TACC2: variants seen among roughly 807,000 people sequenced by gnomAD.
TACC2 encodes the protein transforming acidic coiled-coil-containing protein 2.
In TACC2, 137 loss-of-function variants were observed where a neutral mutation model predicts 227.3. That is an observed-to-expected ratio of 0.60 (90% CI 0.52 to 0.69). The LOEUF (loss-of-function observed/expected upper bound fraction) is 0.69. Ranked by LOEUF, TACC2 falls within the 30% of genes least tolerant of loss-of-function variation. The pLI, the probability that TACC2 is intolerant of heterozygous loss-of-function variation, is 0.00. For missense variants in TACC2, 3,470 were observed against 3,694.4 expected (o/e 0.94, Z 1.57); for synonymous variants, 1,523 against 1,487.5 (o/e 1.02, Z -0.55).
At chr10:122,016,861 A>AG (rs1202888560) in intron 1 of TACC2, among the ~76,000 whole-genome samples, 1 of 152,158 alleles carries the variant, frequency 6.6e-6, no homozygotes, top group Non-Finnish European at 1.5e-5. Flanking sequence ...ACCTTTCAAG[A>AG]GGTAATTAAG....
rs200332809 is a variant in TACC2, at chr10:122,071,956, CAT to C, written c.147-10690_147-10689del. Among the ~76,000 whole-genome samples the C allele has an allele frequency of 6.5e-3, 948 of 145,810 alleles. 15 individuals carry two copies. Among genetic ancestry groups the C allele is most frequent in the African/African-American group, 0.023 (893 of 39,586 alleles). ...GGGGTTTAATCCACATCCGCATACA[CAT>C]GTTGATCTCCCCAATAACTCTTTTT... On this transcript the variant is annotated intron_variant, in intron 3 of 22. Coordinates refer to ENST00000369005, the MANE Select transcript of TACC2 (RefSeq NM_206862.4).
At chr10:122,213,701 A>AT (rs2095343926) in intron 9 of TACC2, among the ~76,000 whole-genome samples, 3 of 151,974 alleles carry the variant, frequency 2.0e-5, no homozygotes, top group African/African-American at 7.3e-5. Flanking sequence ...TCTTCATTAC[A>AT]TTTTTTCATT....
At chr10:122,184,093 G>A (rs541591907) in intron 7 of TACC2, among the ~76,000 whole-genome samples, 15 of 152,262 alleles carry the variant, frequency 9.9e-5, no homozygotes, top group African/African-American at 3.4e-4. Context: ...TGAGGTGAGC[G>A]GCCGTGGGGT....
chr10:122,062,106 C>G (rs992546750), intron 3 of TACC2, among the ~76,000 whole-genome samples: 1 of 143,820 alleles, frequency 7.0e-6, no homozygotes, highest in East Asian at 2.2e-4. Context: ...CATCTCCGCT[C>G]ACTGCAAGCT....
At chr10:122,092,512 T>A (rs1360086316) in intron 5 of TACC2, among the ~76,000 whole-genome samples, 2 of 152,252 alleles carry the variant, frequency 1.3e-5, no homozygotes, top group Non-Finnish European at 2.9e-5. Flanking sequence ...CATATAAGAT[T>A]CAATATCTAA....
rs1565264873 is a variant in TACC2 at position 122,086,731 on chromosome 10, C to T, written c.4231C>T (p.His1411Tyr). 6.2e-7 allele frequency: 1 copy of T among 1,613,966 alleles called. No homozygotes were observed. Among genetic ancestry groups the T allele is most frequent in the South Asian group, 1.1e-5 (1 of 91,080 alleles). The change falls in exon 4 of 23, where the codon CAC becomes TAC. Residue 1411 changes from histidine (H) to tyrosine (Y), a missense_variant. Transcript: ENST00000369005. ...CACTGGCTTCCCAGACTTCAGGGAG[C>T]ACATCGCCAAGATCTTCGAGAAGCC... ...TLTGFPDFRE[H>Y]IAKIFEKPVL...
chr10:122,242,385 C>T (rs1403951210), intron 19 of TACC2, among the ~76,000 whole-genome samples: 2 of 152,192 alleles, frequency 1.3e-5, no homozygotes, highest in African/African-American at 4.8e-5. Flanking sequence ...TTAGTTTAGA[C>T]TCAAATGACA....
chr10:122,081,225 A>T (rs2079442633), intron 3 of TACC2, among the ~76,000 whole-genome samples: 1 of 152,138 alleles, frequency 6.6e-6, no homozygotes, highest in Non-Finnish European at 1.5e-5. Flanking sequence ...AAAATTAAAA[A>T]TTGCACAGCA....
chr10:122,031,695 G>A (rs1199854663), intron 2 of TACC2, among the ~76,000 whole-genome samples: 1 of 150,674 alleles, frequency 6.6e-6, no homozygotes, highest in South Asian at 2.1e-4. Flanking sequence ...GAGCCACCAC[G>A]CCTGGCCCAG....
In TACC2 at chr10:122,083,030, GAC is replaced by G; in HGVS notation, c.532_533del (p.Gln178AlafsTer46). On this transcript the variant is annotated frameshift_variant, in exon 4 of 23. Transcript: ENST00000369005. LOFTEE classifies it high-confidence loss of function. ...GCCGTCCCCAGTGCTGGAAGAGAGA[GAC>G]AGCCGAAGGAAGAAGGACAGAAGTC... 6.2e-7 allele frequency: 1 copy of G among 1,612,508 alleles called. No homozygotes were observed.
intron 7 of TACC2, among the ~76,000 whole-genome samples, chr10:122,149,422 T>C (rs1355234007): frequency 6.6e-6 from 1 of 152,136 alleles, no homozygotes; most frequent in Non-Finnish European, 1.5e-5. Flanking sequence ...CCTTGAGAAA[T>C]GCTACCCTGA....
chr10:122,031,536 C>T (rs1024010767), intron 2 of TACC2, among the ~76,000 whole-genome samples: 2 of 150,780 alleles, frequency 1.3e-5, no homozygotes, highest in South Asian at 4.2e-4. Context: ...TCCCGAGTAG[C>T]TGGGACTATA....
chr10:122,143,532 C>G (rs761298991), intron 6 of TACC2, 40 bp from the exon 7 acceptor site: 3 of 1,604,238 alleles, frequency 1.9e-6, no homozygotes, highest in Non-Finnish European at 2.6e-6. Context: ...CATTAATGAG[C>G]CCAGCACCAT....
At chr10:122,037,424 C>T (rs1044853839) in intron 2 of TACC2, among the ~76,000 whole-genome samples, 2 of 152,180 alleles carry the variant, frequency 1.3e-5, no homozygotes, top group Non-Finnish European at 2.9e-5. Flanking sequence ...GCAGTCAGGG[C>T]TCCCCAAGGA....
intron 7 of TACC2, among the ~76,000 whole-genome samples, chr10:122,176,956 G>A (rs904200972): frequency 6.6e-6 from 1 of 152,182 alleles, no homozygotes; most frequent in Non-Finnish European, 1.5e-5. Context: ...GGAAGAGTGA[G>A]GGGAGGAAGT....
Position 122,083,805 on chromosome 10 carries a change from A to G in TACC2, c.1305A>G (p.Glu435=). The G allele has an allele frequency of 1.2e-6, 2 of 1,614,202 alleles. No homozygotes were observed. Among genetic ancestry groups the G allele is most frequent in the Non-Finnish European group, 1.7e-6 (2 of 1,180,034 alleles). Residue 435 remains glutamate (E), a synonymous_variant, in exon 4 of 23, where the codon GAA becomes GAG. Coordinates refer to ENST00000369005, the MANE Select transcript of TACC2 (RefSeq NM_206862.4). ...CTGCTCAGATTCCTATTGCTGTAGAAGAACCTGGATCATCATCCAGGGAAT... is the reference window on the plus strand; with the variant it reads ...CTGCTCAGATTCCTATTGCTGTAGAGGAACCTGGATCATCATCCAGGGAAT... ...FPAAQIPIAV[E]EPGSSSRESV...
chr10:122,019,904 T>C (rs1957129804), intron 1 of TACC2: 1 of 152,204 alleles, frequency 6.6e-6, no homozygotes, highest in Non-Finnish European at 1.5e-5. Flanking sequence ...CAGAGATGTG[T>C]GCACCTTCGG....
At chr10:122,186,587 C>T (rs768143445) in intron 7 of TACC2, among the ~76,000 whole-genome samples, 17,970 of 152,174 alleles carry the variant, frequency 0.12, 3,300 homozygotes, top group African/African-American at 0.39. Context: ...GATCTCTGCT[C>T]ACTGCAACCT....
chr10:122,084,189 C>T lies in TACC2; in HGVS notation c.1689C>T (p.Ala563=), dbSNP rs763776508. ...TCCATGAAGATTCCACAAGCCCAGC[C>T]GTGGCTAAAGAAGGAAGCAGATCAC... ...AKVHEDSTSP[A]VAKEGSRSPG... Residue 563 remains alanine (A), a synonymous_variant, in exon 4 of 23, where the codon GCC becomes GCT. Coordinates refer to ENST00000369005, the MANE Select transcript of TACC2 (RefSeq NM_206862.4). 29 of 1,613,938 alleles carry T rather than the reference C, an allele frequency of 1.8e-5. No individual in the cohort carries two copies. In the East Asian group the frequency reaches 3.3e-4, roughly 19 times the overall value.
Sources: allele counts gnomAD v4.1 joint callset (sites outside exome capture counted in the v4.1 genomes callset), GRCh38; gene constraint gnomAD v4.1.1; transcripts MANE v1.5; gene names NCBI Gene and HGNC (gene_info 2026-07-23, HGNC 2026-07-21).